Variants in PCDHGA3 observed in about 807,000 individuals in gnomAD.
The protein encoded by PCDHGA3 is protocadherin gamma subfamily A, 3, also known as protocadherin gamma-A3.
A neutral mutation model predicts 58.5 loss-of-function variants in PCDHGA3; 40 were observed. That is an observed-to-expected ratio of 0.68 (90% CI 0.53 to 0.89). PCDHGA3 has a LOEUF of 0.89. Among genes scored for constraint, PCDHGA3 ranks in the 40% least tolerant of loss-of-function variants. PCDHGA3 has a pLI of 0.00. For synonymous variants in PCDHGA3, 530 were observed against 525.7 expected, an observed-to-expected ratio of 1.01 and a Z score of -0.11; for missense variants, 1,223 against 1,195.9, an observed-to-expected ratio of 1.02 and a Z score of -0.33.
intron 1 of PCDHGA3, among the ~76,000 whole-genome samples, chr5:141,492,206 G>T (rs1180294159): frequency 6.6e-6 from 1 of 152,204 alleles, no homozygotes; most frequent in African/African-American, 2.4e-5. Context: ...TTAGGTGTGC[G>T]CGCGGGGCTC....
chr5:141,389,605 A>G (rs1370742468), intron 1 of PCDHGA3: 2 of 1,613,092 alleles, frequency 1.2e-6, no homozygotes, highest in Non-Finnish European at 1.7e-6. Flanking sequence ...GCGCTCTTCG[A>G]TATGGTGCCG....
intron 1 of PCDHGA3, chr5:141,393,690 C>A (rs779487285): frequency 6.2e-7 from 1 of 1,613,752 alleles, no homozygotes; most frequent in African/African-American, 1.3e-5. Flanking sequence ...TCCGTTATTC[C>A]AGCTTAATGA....
Position 141,476,708 on chromosome 5 carries a change from T to C in PCDHGA3, c.2425-18099T>C, listed in dbSNP as rs1205987380. The C allele has an allele frequency of 1.2e-6, 2 of 1,614,150 alleles. No homozygotes were observed. The highest frequency in any genetic ancestry group is 8.5e-7 in the Non-Finnish European group (1 of 1,180,024). ...CAGCACCAAGTACGCGGAGCTGGTG[T>C]TGGAGCGCGCCCTGGACCGAGAACG... On this transcript the variant is annotated intron_variant, in intron 1 of 3. Coordinates refer to ENST00000253812, the MANE Select transcript of PCDHGA3 (RefSeq NM_018916.4). The surrounding 1 kb of genome is among the most constrained non-coding windows in gnomAD (Gnocchi z 7.6).
At chr5:141,360,210 C>T (rs748051773) in intron 1 of PCDHGA3, 2 of 1,613,122 alleles carry the variant, frequency 1.2e-6, no homozygotes, top group Non-Finnish European at 1.7e-6. Context: ...TGTCTTTGTT[C>T]CCCGGGGCTC....
chr5:141,366,049 G>T (rs542025009), intron 1 of PCDHGA3: 28 of 1,614,244 alleles, frequency 1.7e-5, no homozygotes, highest in African/African-American at 4.0e-5. Context: ...ACGGTTCCAC[G>T]GGCGTGGAGC....
intron 1 of PCDHGA3, among the ~76,000 whole-genome samples, chr5:141,381,529 A>G (rs530526235): frequency 3.3e-5 from 5 of 152,212 alleles, no homozygotes; most frequent in Non-Finnish European, 5.9e-5. Context: ...TTTGAATTGC[A>G]TACTAGGATG....
intron 1 of PCDHGA3, among the ~76,000 whole-genome samples, chr5:141,464,221 C>T (rs570804761): frequency 2.9e-4 from 44 of 149,624 alleles, no homozygotes; most frequent in African/African-American, 9.6e-4. Flanking sequence ...GCTGAGATTG[C>T]GCCACTGCAC....
At position 141,385,367 on chromosome 5, in the gene PCDHGA3, A is replaced by G. The variant is rs764038151; in HGVS notation, c.2424+38910A>G. 2.0e-5 allele frequency: 31 copies of G among 1,536,828 alleles called. 1 individual carries two copies. In the South Asian group the frequency reaches 3.9e-4, roughly 19 times the overall value. On this transcript the variant is annotated intron_variant, in intron 1 of 3. Coordinates refer to ENST00000253812, the MANE Select transcript of PCDHGA3 (RefSeq NM_018916.4). ...TTATTTCCATGAGGAATTTATTTGCATGATATTTCTCTATTATTTTGCAAA... is the reference window on the plus strand; with the variant it reads ...TTATTTCCATGAGGAATTTATTTGCGTGATATTTCTCTATTATTTTGCAAA...
At chr5:141,371,042 T>C in intron 1 of PCDHGA3, 1 of 1,613,964 alleles carries the variant, frequency 6.2e-7, no homozygotes, top group Non-Finnish European at 8.5e-7. Flanking sequence ...CAGCTGTGGA[T>C]GGGGGCGAGC....
At chr5:141,498,679 C>G (rs1454800332) in intron 2 of PCDHGA3, among the ~76,000 whole-genome samples, 1 of 152,170 alleles carries the variant, frequency 6.6e-6, no homozygotes, top group Admixed American at 6.5e-5. Flanking sequence ...CGCCTGTAAT[C>G]CCAGCACTTT....
intron 1 of PCDHGA3, among the ~76,000 whole-genome samples, chr5:141,456,460 C>G (rs1444956833): frequency 6.6e-6 from 1 of 152,002 alleles, no homozygotes; most frequent in East Asian, 1.9e-4. Context: ...AATATCAATA[C>G]AAGACATATA....
chr5:141,433,304 C>T, intron 1 of PCDHGA3: 1 of 932,004 alleles, frequency 1.1e-6, no homozygotes, highest in Non-Finnish European at 1.6e-6. Context: ...AGCAATTATC[C>T]CACCTTTGCC....
intron 1 of PCDHGA3, among the ~76,000 whole-genome samples, chr5:141,349,778 G>A (rs1758348917): frequency 6.6e-6 from 1 of 152,024 alleles, no homozygotes; most frequent in South Asian, 2.1e-4. Context: ...TAAATATAGT[G>A]AAATCACTGA....
Position 141,486,369 on chromosome 5 carries a change from C to A in PCDHGA3, c.2425-8438C>A. On this transcript the variant is annotated intron_variant, in intron 1 of 3. Coordinates refer to ENST00000253812, the MANE Select transcript of PCDHGA3 (RefSeq NM_018916.4). This position sits in a 1 kb window ranked among gnomAD's most constrained non-coding sequence, Gnocchi z 5.0. ...GACCACTTGCCATTTGCCCTCAAGT[C>A]TGCCTTCAGGAACCAGTTCTCCCTG... 6.2e-7 allele frequency: 1 copy of A among 1,614,128 alleles called. No individual in the cohort carries two copies. Among genetic ancestry groups the A allele is most frequent in the African/African-American group, 1.3e-5 (1 of 75,048 alleles).
At position 141,510,965 on chromosome 5, in the gene PCDHGA3, C is replaced by T. The variant is rs1473736492; in HGVS notation, c.2591C>T (p.Ser864Phe). The T allele has an allele frequency of 3.1e-6, 5 of 1,614,026 alleles. No homozygotes were observed. The highest frequency in any genetic ancestry group is 4.2e-6 in the Non-Finnish European group (5 of 1,180,020). The change falls in exon 4 of 4, where the codon TCC becomes TTC. Residue 864 changes from serine (S) to phenylalanine (F), a missense_variant. Around this residue, in one of 3 missense-constraint regions of PCDHGA3, gnomAD observed 325 missense variants for 327.5 expected, o/e 0.99. Transcript: ENST00000253812. ...TCTGCAGAAGCTGCTGATGGGAGCT[C>T]CACCCTGGGAGGGGGTGCCGGCACC... ...ASASEAADGS[S>F]TLGGGAGTMG...
chr5:141,427,871 G>T, intron 1 of PCDHGA3: 1 of 1,559,532 alleles, frequency 6.4e-7, no homozygotes, highest in Non-Finnish European at 8.8e-7. Flanking sequence ...TCGAGCTCAC[G>T]ATGCAGGCCC....
chr5:141,507,632 G>A (rs551849213), intron 3 of PCDHGA3, among the ~76,000 whole-genome samples: 6 of 152,360 alleles, frequency 3.9e-5, no homozygotes, highest in Non-Finnish European at 7.3e-5. Flanking sequence ...GTGGCCTTGC[G>A]CCCTGAGGCC....
intron 1 of PCDHGA3, chr5:141,362,561 G>A (rs1416019755): frequency 1.2e-6 from 2 of 1,608,622 alleles, no homozygotes; most frequent in Middle Eastern, 1.7e-4. Context: ...TTGAAGGTGA[G>A]CTTTAATTAA....
intron 1 of PCDHGA3, chr5:141,391,639 A>G (rs1166696968): frequency 6.6e-6 from 1 of 152,354 alleles, no homozygotes; most frequent in East Asian, 1.9e-4. Context: ...TAGTCAGTGA[A>G]AAAACTATCA....
Sources: gnomAD v4.1 joint callset for allele counts (sites outside exome capture counted in the v4.1 genomes callset) on GRCh38, gnomAD v4.1.1 for gene constraint, gnomAD v4.1.1 regional missense constraint, Gnocchi (gnomAD v3.1) non-coding constraint, MANE v1.5 for transcripts, NCBI Gene and HGNC (gene_info 2026-07-23, HGNC 2026-07-21) for gene names.